DOP1B: variants seen among roughly 807,000 people sequenced by gnomAD.
The protein encoded by DOP1B is protein DOP1B.
DOP1B carries 174 observed loss-of-function variants against 233.5 expected under a neutral mutation model. The ratio of observed to expected loss-of-function variants is 0.75; its 90% CI spans 0.66 to 0.85. The LOEUF is 0.85. Among genes scored for constraint, DOP1B ranks in the 40% least tolerant of loss-of-function variants. The pLI is 0.00. For synonymous variants in DOP1B, 1,190 were observed against 1,185.6 expected (o/e 1.00, Z -0.08); for missense variants, 2,652 against 2,846.6 (o/e 0.93, Z 1.56).
At chr21:36,230,407 G>T in intron 13 of DOP1B, 43 bp from the exon 14 acceptor site, 1 of 1,546,532 alleles carries the variant, frequency 6.5e-7, no homozygotes, top group East Asian at 2.3e-5. Context: ...TAAATAGCTT[G>T]GTGTTAAGAG....
chr21:36,228,798 TAAAATAAAATAAAATAA>T (rs1238234509), intron 13 of DOP1B, among the ~76,000 whole-genome samples: 2 of 141,014 alleles, frequency 1.4e-5, no homozygotes, highest in East Asian at 4.4e-4. Context: ...TAAAATAAAA[TAAAATAAAATAAAATAA>T]AATAAAATAA....
intron 19 of DOP1B, among the ~76,000 whole-genome samples, chr21:36,247,104 TCCTGAGCTCAGGCAATCCC>T (rs1467996135): frequency 6.6e-6 from 1 of 152,156 alleles, no homozygotes; most frequent in African/African-American, 2.4e-5. Context: ...GGTCTTGAAC[TCCTGAGCTCAGGCAATCCC>T]CCTGCCTCGG....
intron 26 of DOP1B, among the ~76,000 whole-genome samples, chr21:36,268,468 G>A (rs1391667902): frequency 6.6e-6 from 1 of 152,036 alleles, no homozygotes; most frequent in Non-Finnish European, 1.5e-5. Context: ...TCAAACACAC[G>A]TTTTACAATC....
chr21:36,258,506 A>C (rs932058390), intron 23 of DOP1B, among the ~76,000 whole-genome samples: 2 of 152,102 alleles, frequency 1.3e-5, no homozygotes, highest in Admixed American at 6.5e-5. Flanking sequence ...ACACCCAATC[A>C]TCACACTAAT....
At chr21:36,190,721 A>G (rs941132632) in intron 2 of DOP1B, among the ~76,000 whole-genome samples, 1 of 152,184 alleles carries the variant, frequency 6.6e-6, no homozygotes, top group Non-Finnish European at 1.5e-5. Context: ...TCTCTGTGAT[A>G]TTTATTCTAT....
rs146275269 is a variant in DOP1B at position 36,278,276 on chromosome 21, A to C, written c.5890A>C (p.Thr1964Pro). 5.5e-5 allele frequency: 88 copies of C among 1,614,134 alleles called. 1 individual carries two copies. In the African/African-American group the frequency reaches 9.7e-4, roughly 18 times the overall value. ...GAGCTCCCTGAGTGGCTATGCCTAC[A>C]CAAAGCGAGCCTGGAGGAAGGAGGT... ...LLSSLSGYAY[T>P]KRAWRKEVLE... is the part of the protein sequence containing the mutation. The change falls in exon 30 of 37, where the codon ACA becomes CCA. Residue 1964 changes from threonine to proline, a missense_variant. Thr to Pro is a conservative substitution (Grantham distance 38). Coordinates refer to ENST00000691173, the MANE Select transcript of DOP1B (RefSeq NM_001320714.2).
chr21:36,278,064 T>C lies in DOP1B; in HGVS notation c.5802T>C (p.Phe1934=). The part of the protein sequence containing the change: ...PLISRLLYYV[F]PYLRNHSAYN... Reference sequence around the variant, plus strand: ...TCTCCCGTCTGCTTTACTATGTTTTTCCATACTTACGCAACCACAGGTAAC... The same window carrying C: ...TCTCCCGTCTGCTTTACTATGTTTTCCCATACTTACGCAACCACAGGTAAC... The change falls in exon 29 of 37, where the codon TTT becomes TTC. Residue 1934 remains phenylalanine, a synonymous_variant. Coordinates refer to ENST00000691173, the MANE Select transcript of DOP1B (RefSeq NM_001320714.2). 2 of 1,614,176 alleles carry C rather than the reference T, an allele frequency of 1.2e-6. No individual in the cohort carries two copies. Among genetic ancestry groups the C allele is most frequent in the South Asian group, 2.2e-5 (2 of 91,088 alleles).
intron 8 of DOP1B, 95 bp downstream of exon 8, chr21:36,214,285 C>G: frequency 7.8e-7 from 1 of 1,277,712 alleles, no homozygotes; most frequent in Non-Finnish European, 1.1e-6. Flanking sequence ...TGAGCACGTT[C>G]CTTGGCCCCT....
At chr21:36,203,644 T>TG (rs3216566) in intron 4 of DOP1B, among the ~76,000 whole-genome samples, 6,356 of 150,896 alleles carry the variant, frequency 0.042, 256 homozygotes, top group African/African-American at 0.11. Flanking sequence ...GAGGGTGCAG[T>TG]GGGGGGGGTC....
intron 2 of DOP1B, among the ~76,000 whole-genome samples, chr21:36,191,378 C>T (rs1157437904): frequency 6.6e-6 from 1 of 151,422 alleles, no homozygotes; most frequent in Non-Finnish European, 1.5e-5. Flanking sequence ...TGAAAGCTCA[C>T]TCTCAAGAGA....
Position 36,199,035 on chromosome 21 carries a change from T to C in DOP1B, c.139-35T>C, listed in dbSNP as rs1391934201. ...CTCTCCATTGTAAATATCGCTGCCT[T>C]CTTCCTCATGTGTTTTTTTTGTCTT... On this transcript the variant is annotated intron_variant, in intron 2 of 36. Transcript: ENST00000691173. 4 of 1,596,944 alleles carry C rather than the reference T, an allele frequency of 2.5e-6. No homozygotes were observed. The Admixed American group carries it at 7.0e-5, about 28-fold the overall frequency.
chr21:36,207,181 T>C (rs557755822), intron 4 of DOP1B, among the ~76,000 whole-genome samples: 2 of 151,528 alleles, frequency 1.3e-5, no homozygotes, highest in Non-Finnish European at 2.9e-5. Context: ...TTTTTTCTTT[T>C]TTTCTTTTCT....
intron 1 of DOP1B, among the ~76,000 whole-genome samples, chr21:36,163,480 A>G (rs904492563): frequency 1.3e-5 from 2 of 152,210 alleles, no homozygotes; most frequent in African/African-American, 2.4e-5. Context: ...GAAAGACTCA[A>G]GCTTAAAGAA....
intron 36 of DOP1B, among the ~76,000 whole-genome samples, chr21:36,292,567 C>T (rs1379734613): frequency 6.6e-6 from 1 of 150,584 alleles, no homozygotes; most frequent in Admixed American, 6.6e-5. Flanking sequence ...GAACTACAGG[C>T]GCACGCCACC....
chr21:36,200,518 T>G lies in DOP1B; in HGVS notation c.491+17T>G. 1 of 1,591,084 alleles carries G rather than the reference T, an allele frequency of 6.3e-7. No individual in the cohort carries two copies. ...CTCCGACAGGTGCGTGGGCGTCTTG[T>G]CCAGGCTGTGTTTACTCCACTGCTT... On this transcript the variant is annotated intron_variant, in intron 4 of 36. Coordinates refer to ENST00000691173, the MANE Select transcript of DOP1B (RefSeq NM_001320714.2).
At chr21:36,187,803 TG>T (rs1309667161) in intron 2 of DOP1B, among the ~76,000 whole-genome samples, 2 of 151,590 alleles carry the variant, frequency 1.3e-5, no homozygotes, top group African/African-American at 4.9e-5. Flanking sequence ...GACAGGGTTT[TG>T]CCATGTTGCT....
chr21:36,200,242 T>C, intron 3 of DOP1B, 89 bp from the exon 4 acceptor site: 3 of 1,474,758 alleles, frequency 2.0e-6, no homozygotes, highest in Non-Finnish European at 2.7e-6. Context: ...GCTGTTTGCT[T>C]GTGAAAACTC....
intron 8 of DOP1B, 75 bp from the exon 9 acceptor site, chr21:36,214,367 A>G: frequency 6.9e-7 from 1 of 1,458,166 alleles, no homozygotes; most frequent in Non-Finnish European, 9.4e-7. Context: ...AGTATTTAAC[A>G]ATTAGAATAG....
chr21:36,208,071 C>T (rs915706475), intron 4 of DOP1B, among the ~76,000 whole-genome samples: 1 of 152,210 alleles, frequency 6.6e-6, no homozygotes, highest in Non-Finnish European at 1.5e-5. Flanking sequence ...CGAACAAATG[C>T]CCGGCCTCAG....
Sources: gnomAD v4.1 joint callset for allele counts (sites outside exome capture counted in the v4.1 genomes callset) on GRCh38, gnomAD v4.1.1 for gene constraint, MANE v1.5 for transcripts, NCBI Gene and HGNC (gene_info 2026-07-23, HGNC 2026-07-21) for gene names.